Variants in MEGF10 observed in about 807,000 individuals in gnomAD.
The protein encoded by MEGF10 is multiple EGF like domains 10, also known as multiple epidermal growth factor-like domains protein 10.
MEGF10 carries 86 observed loss-of-function variants against 147.5 expected under a neutral mutation model. The observed-to-expected ratio is 0.58, with a 90% confidence interval of 0.49 to 0.70. The LOEUF (loss-of-function observed/expected upper bound fraction) is 0.70. Ranked by LOEUF, MEGF10 falls within the 30% of genes least tolerant of loss-of-function variation. MEGF10 has a pLI of 0.00. For synonymous variants in MEGF10, 478 were observed against 525.5 expected (o/e 0.91, Z 1.24); for missense variants, 1,329 against 1,487.3 (o/e 0.89, Z 1.75).
At chr5:127,251,334 C>T in the MEGF10 span, among the ~76,000 whole-genome samples, 6 of 152,024 alleles carry the variant, frequency 3.9e-5, no homozygotes, top group Non-Finnish European at 5.9e-5. Flanking sequence ...AGCCAGGCCA[C>T]ACAGTAGCTG....
chr5:127,439,601 G>T (rs559948654), intron 17 of MEGF10, among the ~76,000 whole-genome samples: 11 of 152,288 alleles, frequency 7.2e-5, no homozygotes, highest in Non-Finnish European at 2.9e-5. Flanking sequence ...CTTAGAGAAA[G>T]GTACTTGTAA....
the MEGF10 span, among the ~76,000 whole-genome samples, chr5:127,261,436 T>A: frequency 6.6e-6 from 1 of 152,240 alleles, no homozygotes; most frequent in Admixed American, 6.5e-5. Flanking sequence ...TTGTAATATG[T>A]GTCAATATTT....
At chr5:127,305,184 A>G (rs1386550640) in intron 1 of MEGF10, among the ~76,000 whole-genome samples, 3 of 152,228 alleles carry the variant, frequency 2.0e-5, no homozygotes, top group Admixed American at 1.3e-4. Context: ...AATTCCCCCA[A>G]GACTCATTTT....
the MEGF10 span, among the ~76,000 whole-genome samples, chr5:127,271,174 T>C: frequency 1.1e-4 from 17 of 152,178 alleles, no homozygotes; most frequent in Non-Finnish European, 1.5e-5. Flanking sequence ...TTTACACTCC[T>C]ACCAAGAGTG....
At position 127,422,722 on chromosome 5, in the gene MEGF10, A is replaced by G. The variant is rs1338867391; in HGVS notation, c.1643A>G (p.Asp548Gly). The part of the protein sequence containing the change: ...CAERCDCSHA[D>G]GCHPTTGHCR... ...GAGCGCTGCGACTGCAGCCACGCAGATGGCTGCCACCCTACCACGGGCCAT... is the reference window on the plus strand; with the variant it reads ...GAGCGCTGCGACTGCAGCCACGCAGGTGGCTGCCACCCTACCACGGGCCAT... The change falls in exon 13 of 25, where the codon GAT becomes GGT. Residue 548 changes from aspartate to glycine, a missense_variant. This residue lies in a region of MEGF10 where 980 missense variants were observed against 1,085.9 expected (regional missense o/e 0.90). Coordinates refer to ENST00000503335, the MANE Select transcript of MEGF10 (RefSeq NM_001256545.2). 1 of 1,614,100 alleles carries G rather than the reference A, an allele frequency of 6.2e-7. No homozygotes were observed. The highest frequency in any genetic ancestry group is 1.1e-5 in the South Asian group (1 of 91,088).
intron 8 of MEGF10, among the ~76,000 whole-genome samples, chr5:127,408,415 C>G (rs1421161409): frequency 1.3e-5 from 2 of 152,134 alleles, no homozygotes; most frequent in African/African-American, 4.8e-5. Context: ...CAGTAGGAGC[C>G]ATAATGAGAC....
intron 4 of MEGF10, among the ~76,000 whole-genome samples, chr5:127,359,745 T>C (rs1246188460): frequency 1.3e-5 from 2 of 152,148 alleles, no homozygotes; most frequent in Non-Finnish European, 2.9e-5. Context: ...GATTCTATTG[T>C]ATAGCTATAC....
intron 8 of MEGF10, among the ~76,000 whole-genome samples, chr5:127,409,012 G>C (rs1337748123): frequency 4.6e-5 from 7 of 152,112 alleles, no homozygotes; most frequent in African/African-American, 1.4e-4. Context: ...AGGAGTTCGA[G>C]GTTACAGTGA....
At chr5:127,390,277 T>C (rs977412184) in intron 5 of MEGF10, among the ~76,000 whole-genome samples, 7 of 152,084 alleles carry the variant, frequency 4.6e-5, no homozygotes, top group Non-Finnish European at 7.4e-5. Flanking sequence ...ATTGCTAAAA[T>C]TGGATTACAT....
In MEGF10 at chr5:127,419,205, G is replaced by A. The variant is rs1174965174; in HGVS notation, c.1391G>A (p.Cys464Tyr). Residue 464 changes from cysteine to tyrosine, a missense_variant, in exon 11 of 25, where the codon TGC becomes TAC. By Grantham distance (194) the Cys-to-Tyr change is radical (BLOSUM62 -2). Transcript: ENST00000503335. ...SRCGCKNDAVCSPVDGSCTCK... is the reference protein window; with the variant it reads ...SRCGCKNDAVYSPVDGSCTCK... ...TGTGGCTGTAAAAATGATGCAGTCT[G>A]CTCTCCTGTGGACGGGTCTTGTACT... 3 of 1,614,104 alleles carry A rather than the reference G, an allele frequency of 1.9e-6. No individual in the cohort carries two copies. The highest frequency in any genetic ancestry group is 2.2e-5 in the East Asian group (1 of 44,884).
intron 4 of MEGF10, among the ~76,000 whole-genome samples, chr5:127,349,838 A>G (rs1762028248): frequency 1.3e-5 from 2 of 152,086 alleles, no homozygotes; most frequent in Non-Finnish European, 2.9e-5. Context: ...AAGACATATT[A>G]TTTCCTAGTA....
intron 5 of MEGF10, among the ~76,000 whole-genome samples, chr5:127,379,199 C>A (rs1763157477): frequency 6.6e-6 from 1 of 151,962 alleles, no homozygotes. Flanking sequence ...ATGCCACGTT[C>A]TCTCTAAACT....
At chr5:127,274,839 G>T in the MEGF10 span, among the ~76,000 whole-genome samples, 4 of 151,980 alleles carry the variant, frequency 2.6e-5, no homozygotes, top group African/African-American at 9.7e-5. Flanking sequence ...TGAATATTTT[G>T]TTTGATTCTC....
chr5:127,445,034 G>C (rs1011581749), intron 19 of MEGF10, among the ~76,000 whole-genome samples: 1 of 152,170 alleles, frequency 6.6e-6, no homozygotes, highest in African/African-American at 2.4e-5. Flanking sequence ...TATTTAATCG[G>C]AAATATATAA....
At chr5:127,393,097 C>A (rs1763766785) in intron 5 of MEGF10, among the ~76,000 whole-genome samples, 1 of 152,142 alleles carries the variant, frequency 6.6e-6, no homozygotes, top group Non-Finnish European at 1.5e-5. Flanking sequence ...GATACTCAAG[C>A]TATTTTCATG....
the MEGF10 span, chr5:127,229,405 C>T: frequency 6.6e-6 from 1 of 152,130 alleles, no homozygotes; most frequent in East Asian, 2.0e-4. Flanking sequence ...AGCAGCGCAC[C>T]GCCAGCCTCG....
At chr5:127,231,763 T>C in the MEGF10 span, among the ~76,000 whole-genome samples, 1 of 152,226 alleles carries the variant, frequency 6.6e-6, no homozygotes, top group East Asian at 1.9e-4. Context: ...CTTCCTTCAT[T>C]AGCCCAGTAT....
At chr5:127,253,020 A>C in the MEGF10 span, among the ~76,000 whole-genome samples, 742 of 152,122 alleles carry the variant, frequency 4.9e-3, 5 homozygotes, top group African/African-American at 0.017. Context: ...ATTCATACTC[A>C]TAAACACGGA....
chr5:127,455,122 TAAAAC>T lies in MEGF10; in HGVS notation c.3026-273_3026-269del, dbSNP rs200590009. On this transcript the variant is annotated intron_variant, in intron 23 of 24. Coordinates refer to ENST00000503335, the MANE Select transcript of MEGF10 (RefSeq NM_001256545.2). ...TGAACTTCTGTAAATTTTCTATTAA[TAAAAC>T]AAAACGTAATTGATTATATTCTAAT... Among the ~76,000 whole-genome samples the T allele has an allele frequency of 0.019, 2,840 of 152,234 alleles. 53 individuals carry two copies. The highest frequency in any genetic ancestry group is 0.085 in the Middle Eastern group (25 of 294).
Sources: allele counts gnomAD v4.1 joint callset (sites outside exome capture counted in the v4.1 genomes callset), GRCh38; gene constraint gnomAD v4.1.1; regional missense constraint gnomAD v4.1.1; transcripts MANE v1.5; gene names NCBI Gene and HGNC (gene_info 2026-07-23, HGNC 2026-07-21).